Variants in PPP1R21 observed in about 807,000 individuals in gnomAD.
PPP1R21 encodes the protein protein phosphatase 1 regulatory subunit 21.
Under a neutral mutation model 112.8 loss-of-function variants are expected in PPP1R21, and 85 were observed. The ratio of observed to expected loss-of-function variants is 0.75; its 90% CI spans 0.63 to 0.90. The LOEUF is 0.90. Ranked by LOEUF, PPP1R21 falls within the 40% of genes least tolerant of loss-of-function variation. The pLI is 0.00. For missense variants in PPP1R21, 1,199 were observed against 901.5 expected (o/e 1.33, Z -4.23); for synonymous variants, 381 against 322.3 (o/e 1.18, Z -1.95).
At chr2:48,485,307 T>G (rs891049785) in intron 13 of PPP1R21, among the ~76,000 whole-genome samples, 2 of 146,726 alleles carry the variant, frequency 1.4e-5, no homozygotes, top group Non-Finnish European at 3.0e-5. Flanking sequence ...AAATAAAATG[T>G]AAAAAAAAAA....
At chr2:48,514,458 C>A (rs1670782839) in intron 21 of PPP1R21, among the ~76,000 whole-genome samples, 1 of 152,088 alleles carries the variant, frequency 6.6e-6, no homozygotes, top group African/African-American at 2.4e-5. Flanking sequence ...AAGATAGTTG[C>A]TTTCTTTTCT....
intron 17 of PPP1R21, among the ~76,000 whole-genome samples, chr2:48,499,151 G>A (rs1365483869): frequency 6.6e-6 from 1 of 151,816 alleles, no homozygotes; most frequent in Non-Finnish European, 1.5e-5. Context: ...ACACAAACAC[G>A]CAGGCCACAG....
chr2:48,498,778 C>A, intron 17 of PPP1R21, 43 bp downstream of exon 17: 1 of 1,596,568 alleles, frequency 6.3e-7, no homozygotes, highest in South Asian at 1.1e-5. Context: ...TTTTTAAATG[C>A]TAATTGGTAA....
chr2:48,507,066 A>C, intron 18 of PPP1R21: 1 of 639,866 alleles, frequency 1.6e-6, no homozygotes. Context: ...TCATTCTGAA[A>C]TAGAAAGATG....
intron 18 of PPP1R21, among the ~76,000 whole-genome samples, chr2:48,506,183 C>G (rs937865675): frequency 2.6e-5 from 4 of 152,196 alleles, no homozygotes; most frequent in African/African-American, 4.8e-5. Flanking sequence ...CAACCTCTGC[C>G]TCCGGGTACA....
Position 48,464,946 on chromosome 2 carries a change from A to C in PPP1R21, c.704A>C (p.Gln235Pro), listed in dbSNP as rs376269262. Residue 235 changes from glutamine (Q) to proline (P), a missense_variant, in exon 8 of 22, where the codon CAG (glutamine) becomes CCG (proline). Coordinates refer to ENST00000294952, the MANE Select transcript of PPP1R21 (RefSeq NM_001135629.3). ...KVPFNDTKYS[Q>P]YNALNVPLHN... is the part of the protein sequence containing the mutation. The stretch of plus-strand genomic sequence containing the variant: ...TATTTTTCTTCTGTAGAATATAGTC[A>C]GTACAACGCTCTGAACGTTCCACTC... The C allele has an allele frequency of 1.3e-6, 2 of 1,563,014 alleles. No individual in the cohort carries two copies. The highest frequency in any genetic ancestry group is 8.6e-7 in the Non-Finnish European group (1 of 1,164,188).
chr2:48,467,466 A>C (rs140007252), intron 9 of PPP1R21, among the ~76,000 whole-genome samples: 15 of 152,352 alleles, frequency 9.8e-5, no homozygotes, highest in African/African-American at 3.6e-4. Context: ...TGGAGGGGCT[A>C]GTTAGCTGGC....
At chr2:48,456,045 G>A (rs966505561) in intron 3 of PPP1R21, among the ~76,000 whole-genome samples, 1 of 147,454 alleles carries the variant, frequency 6.8e-6, no homozygotes. Context: ...AATAGTAGCA[G>A]TTGAAACACT....
intron 2 of PPP1R21, 37 bp downstream of exon 2, chr2:48,451,113 TA>T (rs1667451203): frequency 6.5e-7 from 1 of 1,550,282 alleles, no homozygotes; most frequent in Non-Finnish European, 8.9e-7. Context: ...AGGGTTAAGT[TA>T]GCATTTGGTG....
At chr2:48,469,502 T>TAGAG (rs200928720) in intron 9 of PPP1R21, among the ~76,000 whole-genome samples, 9,492 of 43,264 alleles carry the variant, frequency 0.22, 1,647 homozygotes, top group East Asian at 0.39. Flanking sequence ...TATATATATA[T>TAGAG]ATAGAGCATA....
At chr2:48,514,019 C>G (rs558494317) in intron 21 of PPP1R21, among the ~76,000 whole-genome samples, 1 of 151,312 alleles carries the variant, frequency 6.6e-6, no homozygotes, top group East Asian at 1.9e-4. Context: ...GAGTTATTAC[C>G]TATTAAGACC....
chr2:48,469,556 G>T lies in PPP1R21; in HGVS notation c.898-1531G>T, dbSNP rs371931869. Among the ~76,000 whole-genome samples the T allele has an allele frequency of 1.5e-3, 160 of 108,948 alleles. 3 individuals carry two copies. The highest frequency in any genetic ancestry group is 3.8e-3 in the African/African-American group (115 of 30,280). The allele number at this position is 108,948 out of a possible 152,430, so 71.5% of individuals were successfully genotyped here. ...TATATAGAGCATATATATATATAGA[G>T]AGAGAGAGAGCATATATATATATAT... On this transcript the variant is annotated intron_variant, in intron 9 of 21. Transcript: ENST00000294952.
At chr2:48,505,020 T>C (rs1431024386) in intron 17 of PPP1R21, among the ~76,000 whole-genome samples, 1 of 152,112 alleles carries the variant, frequency 6.6e-6, no homozygotes, top group African/African-American at 2.4e-5. Context: ...AAGAAAAAAA[T>C]CTAGTAGCAT....
chr2:48,478,636 T>C (rs929900884), intron 12 of PPP1R21, among the ~76,000 whole-genome samples: 3 of 152,242 alleles, frequency 2.0e-5, no homozygotes, highest in Non-Finnish European at 4.4e-5. Context: ...ATAGACCTAG[T>C]GTACACCTAG....
intron 9 of PPP1R21, among the ~76,000 whole-genome samples, chr2:48,468,021 C>T (rs1668280749): frequency 6.6e-6 from 1 of 152,174 alleles, no homozygotes; most frequent in Admixed American, 6.5e-5. Context: ...TGTGGGTCCC[C>T]TACGTGCCTA....
chr2:48,440,990 C>T lies in PPP1R21; in HGVS notation c.37C>T (p.Leu13=), dbSNP rs1666999710. The change falls in exon 1 of 22, where the codon CTG becomes TTG. Residue 13 remains leucine (L), a synonymous_variant. Coordinates refer to ENST00000294952, the MANE Select transcript of PPP1R21 (RefSeq NM_001135629.3). ...SAELQGKYQK[L]AQEYSKLRAQ... ...TGAGTTGCAGGGGAAGTACCAGAAG[C>T]TGGCTCAGGAGTACTCGAAGGTACC... 6.2e-7 allele frequency: 1 copy of T among 1,611,466 alleles called. No individual in the cohort carries two copies. The highest frequency in any genetic ancestry group is 1.7e-5 in the Admixed American group (1 of 59,940).
chr2:48,470,854 G>C (rs560741786), intron 9 of PPP1R21, among the ~76,000 whole-genome samples: 1 of 152,086 alleles, frequency 6.6e-6, no homozygotes, highest in Non-Finnish European at 1.5e-5. Context: ...ATTTAGAATG[G>C]GATAGGGACT....
intron 3 of PPP1R21, among the ~76,000 whole-genome samples, chr2:48,455,829 A>G (rs971156191): frequency 2.0e-5 from 3 of 152,032 alleles, no homozygotes; most frequent in Non-Finnish European, 2.9e-5. Flanking sequence ...CCTGGCTAAC[A>G]TGGTGAAACC....
chr2:48,505,719 A>T (rs566996094), intron 18 of PPP1R21, 123 bp downstream of exon 18: 27 of 815,130 alleles, frequency 3.3e-5, no homozygotes, highest in Admixed American at 2.7e-4. Flanking sequence ...CACTTCTAGC[A>T]AATGTGGAGC....
Sources: allele counts gnomAD v4.1 joint callset (sites outside exome capture counted in the v4.1 genomes callset), GRCh38; gene constraint gnomAD v4.1.1; transcripts MANE v1.5; gene names NCBI Gene and HGNC (gene_info 2026-07-23, HGNC 2026-07-21).